Variants in FLRT1 observed in about 807,000 individuals in gnomAD.
FLRT1 encodes fibronectin leucine rich transmembrane protein 1, also known as leucine-rich repeat transmembrane protein FLRT1.
A neutral mutation model predicts 30.9 loss-of-function variants in FLRT1; 14 were observed. The ratio of observed to expected loss-of-function variants is 0.45; its 90% CI spans 0.30 to 0.71. The LOEUF is 0.71. Ranked by LOEUF, FLRT1 falls within the 30% of genes least tolerant of loss-of-function variation. FLRT1 has a pLI of 0.08. For synonymous variants in FLRT1, 368 were observed against 430.4 expected, an observed-to-expected ratio of 0.85 and a Z score of 1.80; for missense variants, 737 against 949.2, an observed-to-expected ratio of 0.78 and a Z score of 2.94.
At chr11:64,066,386 T>C (rs1188291721) in intron 1 of FLRT1, among the ~76,000 whole-genome samples, 2 of 147,000 alleles carry the variant, frequency 1.4e-5, no homozygotes, top group Non-Finnish European at 3.0e-5. Context: ...GCCGAGGTGG[T>C]AGGATCACTA....
rs145748414 is a variant in FLRT1, at chr11:64,067,003, C to T, written c.-1038+30844C>T. On this transcript the variant is annotated intron_variant, in intron 1 of 2. Coordinates refer to ENST00000682287, the MANE Select transcript of FLRT1 (RefSeq NM_013280.5). The surrounding 1 kb of genome is among the most constrained non-coding windows in gnomAD (Gnocchi z 4.6). ...CTGGCATCCCAAGCCTCTGCCCTCACGCTAGGCAGTCCCTGGGGAGATTGG... is the reference window on the plus strand; with the variant it reads ...CTGGCATCCCAAGCCTCTGCCCTCATGCTAGGCAGTCCCTGGGGAGATTGG... Among the ~76,000 whole-genome samples, 16 of 152,322 alleles carry T rather than the reference C, an allele frequency of 1.1e-4. No homozygotes were observed. Among genetic ancestry groups the T allele is most frequent in the Non-Finnish European group, 1.9e-4 (13 of 68,028 alleles).
At chr11:64,108,069 T>C (rs1944794413) in intron 2 of FLRT1, among the ~76,000 whole-genome samples, 1 of 152,162 alleles carries the variant, frequency 6.6e-6, no homozygotes, top group Admixed American at 6.5e-5. Flanking sequence ...ATCCCAGCAC[T>C]TTGGGAGGCC....
At chr11:64,085,586 G>C (rs918743508) in intron 1 of FLRT1, among the ~76,000 whole-genome samples, 1 of 152,224 alleles carries the variant, frequency 6.6e-6, no homozygotes, top group African/African-American at 2.4e-5. Context: ...GTCCACCCCA[G>C]GCCGCAGCGT....
chr11:64,051,071 C>T lies in FLRT1; in HGVS notation c.-1038+14912C>T, dbSNP rs1017632035. Among the ~76,000 whole-genome samples, 6 of 152,344 alleles carry T rather than the reference C, an allele frequency of 3.9e-5. No individual in the cohort carries two copies. In the South Asian group the frequency reaches 6.2e-4, roughly 16 times the overall value. On this transcript the variant is annotated intron_variant, in intron 1 of 2. Transcript: ENST00000682287. ...TTGAGGCTCAAGTATTGTGCCCCAC[C>T]GATCTGGAGGAGAGATTCACTCCAT...
In FLRT1 at chr11:64,099,769, T is replaced by C. The variant is rs118023079; in HGVS notation, c.-1037-3425T>C. ...ATGGATGGGTTGACAGATGGAGAGA[T>C]GGATAGGTGAATGGAGAAATGAGAA... On this transcript the variant is annotated intron_variant, in intron 1 of 2. Transcript: ENST00000682287. 5.3e-3 allele frequency among the ~76,000 whole-genome samples: 776 copies of C among 147,248 alleles called. 5 individuals carry two copies. Among genetic ancestry groups the C allele is most frequent in the Non-Finnish European group, 9.0e-3 (603 of 67,148 alleles).
intron 1 of FLRT1, among the ~76,000 whole-genome samples, chr11:64,040,907 C>T (rs1228145958): frequency 2.0e-5 from 3 of 152,066 alleles, no homozygotes; most frequent in Admixed American, 2.0e-4. Flanking sequence ...ATCCGACGTC[C>T]GGCCAGGCCC....
At chr11:64,065,111 C>T (rs892948591) in intron 1 of FLRT1, among the ~76,000 whole-genome samples, 2 of 152,220 alleles carry the variant, frequency 1.3e-5, no homozygotes, top group African/African-American at 4.8e-5. Context: ...AGAGACTTCC[C>T]AGAGGAGAAC....
chr11:64,109,691 C>T (rs11231698), intron 2 of FLRT1, among the ~76,000 whole-genome samples: 13,468 of 152,116 alleles, frequency 0.089, 927 homozygotes, highest in East Asian at 0.38. Context: ...GAGGCTGGTG[C>T]GGCCCCACAG....
rs1944462715 is a variant in FLRT1, at chr11:64,090,070, A to G, written c.-1037-13124A>G. Among the ~76,000 whole-genome samples, 1 of 152,194 alleles carries G rather than the reference A, an allele frequency of 6.6e-6. No individual in the cohort carries two copies. Among genetic ancestry groups the G allele is most frequent in the African/African-American group, 2.4e-5 (1 of 41,442 alleles). On this transcript the variant is annotated intron_variant, in intron 1 of 2. Coordinates refer to ENST00000682287, the MANE Select transcript of FLRT1 (RefSeq NM_013280.5). The surrounding 1 kb of genome is among the most constrained non-coding windows in gnomAD (Gnocchi z 4.7). Reference sequence around the variant, plus strand: ...TGTGACTGGACTCAACAGCTGTGTCATCCTGAGCCCAGAACCTTCTAGAAT... The same window carrying G: ...TGTGACTGGACTCAACAGCTGTGTCGTCCTGAGCCCAGAACCTTCTAGAAT...
At chr11:64,110,929 G>A (rs1263423611) in intron 2 of FLRT1, among the ~76,000 whole-genome samples, 5 of 152,226 alleles carry the variant, frequency 3.3e-5, no homozygotes, top group African/African-American at 1.2e-4. Flanking sequence ...CCTGGAGCCA[G>A]AGGGCTCAGC....
intron 1 of FLRT1, among the ~76,000 whole-genome samples, chr11:64,040,724 G>A (rs1038379485): frequency 1.3e-5 from 2 of 152,178 alleles, no homozygotes; most frequent in Non-Finnish European, 2.9e-5. Context: ...AGGAGAGTCC[G>A]CAGAAACCCT....
Position 64,117,191 on chromosome 11 carries a change from G to A in FLRT1, c.924G>A (p.Thr308=), listed in dbSNP as rs147204811. 5.0e-6 allele frequency: 8 copies of A among 1,614,060 alleles called. No individual in the cohort carries two copies. The highest frequency in any genetic ancestry group is 1.3e-5 in the African/African-American group (1 of 75,050). Residue 308 remains threonine, a synonymous_variant, in exon 3 of 3, where the codon ACG becomes ACA. Coordinates refer to ENST00000682287, the MANE Select transcript of FLRT1 (RefSeq NM_013280.5). ...ACCTGTCCAACAACAACCTGACCAC[G>A]CTGCCCCGCGGCCTGTTCGACGACC... ...RLDLSNNNLT[T]LPRGLFDDLG...
chr11:64,077,798 C>T (rs377130060), intron 1 of FLRT1, among the ~76,000 whole-genome samples: 61 of 152,334 alleles, frequency 4.0e-4, no homozygotes, highest in Middle Eastern at 3.4e-3. Flanking sequence ...GCTGGGCCTC[C>T]GGCCGCCGCT....
intron 1 of FLRT1, among the ~76,000 whole-genome samples, chr11:64,091,305 G>A (rs1362393042): frequency 1.3e-5 from 2 of 152,096 alleles, no homozygotes; most frequent in African/African-American, 2.4e-5. Context: ...CATCACTCAC[G>A]TAGCTGATTT....
Position 64,116,286 on chromosome 11 carries a change from ACCG to A in FLRT1, c.22_24del (p.Ala8del). The A allele has an allele frequency of 1.3e-6, 2 of 1,596,046 alleles. No homozygotes were observed. The highest frequency in any genetic ancestry group is 1.7e-6 in the Non-Finnish European group (2 of 1,173,792). On this transcript the variant is annotated inframe_deletion, in exon 3 of 3. Coordinates refer to ENST00000682287, the MANE Select transcript of FLRT1 (RefSeq NM_013280.5). ...ATCCACCATGGTGGTGGCACACCCC[ACCG>A]CCACTGCCACCACCACGCCCACTGC...
intron 1 of FLRT1, among the ~76,000 whole-genome samples, chr11:64,062,043 G>T (rs1943915627): frequency 7.2e-6 from 1 of 138,140 alleles, no homozygotes; most frequent in African/African-American, 2.8e-5. Context: ...ATTCTGTCCT[G>T]TCCAAAGCCT....
rs1590932752 is a variant in FLRT1, at chr11:64,116,994, A to G, written c.727A>G (p.Thr243Ala). 1.2e-6 allele frequency: 2 copies of G among 1,612,162 alleles called. No homozygotes were observed. The highest frequency in any genetic ancestry group is 2.7e-5 in the African/African-American group (2 of 74,904). Residue 243 changes from threonine to alanine, a missense_variant, in exon 3 of 3, where the codon ACC becomes GCC. Physicochemically the swap from Thr to Ala is moderately conservative, Grantham distance 58 (BLOSUM62 0). Coordinates refer to ENST00000682287, the MANE Select transcript of FLRT1 (RefSeq NM_013280.5). ...LLANQRIADD[T>A]FSRLQNLTEL... Reference sequence around the variant, plus strand: ...GGCCAACCAGCGCATCGCCGACGACACCTTCAGCCGCCTACAGAACCTCAC... The same window carrying G: ...GGCCAACCAGCGCATCGCCGACGACGCCTTCAGCCGCCTACAGAACCTCAC...
chr11:64,091,632 C>A (rs917614263), intron 1 of FLRT1, among the ~76,000 whole-genome samples: 1 of 152,160 alleles, frequency 6.6e-6, no homozygotes, highest in Non-Finnish European at 1.5e-5. Context: ...ACCATCCCCC[C>A]ATCCGACAGA....
chr11:64,108,685 T>C (rs1944807254), intron 2 of FLRT1, among the ~76,000 whole-genome samples: 1 of 152,216 alleles, frequency 6.6e-6, no homozygotes. Flanking sequence ...GCTGAGAAAC[T>C]GCTTCTGCCC....
Sources: allele counts gnomAD v4.1 joint callset (sites outside exome capture counted in the v4.1 genomes callset), GRCh38; gene constraint gnomAD v4.1.1; non-coding constraint Gnocchi (gnomAD v3.1); transcripts MANE v1.5; gene names NCBI Gene and HGNC (gene_info 2026-07-23, HGNC 2026-07-21).